The following TTBK2 variants were observed in gnomAD, a reference collection of about 807,000 sequenced individuals.
TTBK2 encodes the protein tau tubulin kinase 2, also known as tau-tubulin kinase 2.
Under a neutral mutation model 110.8 loss-of-function variants are expected in TTBK2, and 28 were observed. The ratio of observed to expected loss-of-function variants is 0.25; its 90% confidence interval spans 0.19 to 0.35. TTBK2 has a LOEUF of 0.35. TTBK2 is among the 10% of genes least tolerant of loss of function. The pLI, the probability that TTBK2 is intolerant of heterozygous loss-of-function variation, is 1.00. For synonymous variants in TTBK2, 532 were observed against 527.3 expected (o/e 1.01, Z -0.12); for missense variants, 1,369 against 1,500.3 (o/e 0.91, Z 1.45).
At chr15:42,893,266 G>A (rs540815740) in intron 1 of TTBK2, among the ~76,000 whole-genome samples, 11 of 152,200 alleles carry the variant, frequency 7.2e-5, no homozygotes, top group Middle Eastern at 3.4e-3. Flanking sequence ...GGAGGCCAAG[G>A]CAGGAGGACT....
chr15:42,793,838 TAA>T (rs1174807124), intron 10 of TTBK2, among the ~76,000 whole-genome samples: 4 of 143,080 alleles, frequency 2.8e-5, no homozygotes, highest in Non-Finnish European at 3.1e-5. Context: ...ACTCCATGTT[TAA>T]AAAAAAAAAA....
At chr15:42,918,166 C>T (rs886275126) in intron 1 of TTBK2, among the ~76,000 whole-genome samples, 1 of 152,058 alleles carries the variant, frequency 6.6e-6, no homozygotes, top group African/African-American at 2.4e-5. Flanking sequence ...GCCTCAACCT[C>T]CGATCCACCC....
chr15:42,753,275 T>C (rs758080551), intron 13 of TTBK2, 28 bp from the exon 14 acceptor site: 27 of 1,597,682 alleles, frequency 1.7e-5, no homozygotes, highest in Non-Finnish European at 2.3e-5. Context: ...AAAATTAAAA[T>C]GCAATTATGT....
At chr15:42,827,800 C>A (rs1892594147) in intron 6 of TTBK2, 128 bp downstream of exon 6, 1 of 764,658 alleles carries the variant, frequency 1.3e-6, no homozygotes, top group Non-Finnish European at 2.1e-6. Context: ...ATAATTTAAT[C>A]ATTAAATGTA....
chr15:42,740,376 G>A lies in TTBK2; in HGVS notation c.*5419C>T, dbSNP rs2061742511. On this transcript the variant is annotated 3_prime_UTR_variant, in exon 15 of 15. Transcript: ENST00000267890. ...TTACTTTTTTGCTATTCAGTGTCTT[G>A]AGATTGTGTGGAAATTCAAGGTGAC... The A allele has an allele frequency of 6.6e-6, 1 of 152,114 alleles. No homozygotes were observed. Among genetic ancestry groups the A allele is most frequent in the African/African-American group, 2.4e-5 (1 of 41,406 alleles). The allele number at this position is 152,114 out of a possible 1,614,324, so 9.4% of individuals were successfully genotyped here. A position where few individuals can be genotyped will look rare whatever the true frequency, so the allele number is the denominator to read the frequency against.
intron 6 of TTBK2, among the ~76,000 whole-genome samples, chr15:42,818,687 T>C (rs1028280804): frequency 2.3e-4 from 35 of 152,018 alleles, no homozygotes; most frequent in Non-Finnish European, 4.4e-5. Context: ...GCCACTGCAC[T>C]CCAGCCGGGG....
intron 4 of TTBK2, among the ~76,000 whole-genome samples, chr15:42,836,522 G>A (rs1892991174): frequency 6.6e-6 from 1 of 151,890 alleles, no homozygotes; most frequent in Admixed American, 6.6e-5. Flanking sequence ...CTTGTGACAG[G>A]AAAAAAATAT....
intron 3 of TTBK2, among the ~76,000 whole-genome samples, chr15:42,859,907 C>A (rs1289369831): frequency 1.3e-5 from 2 of 151,910 alleles, no homozygotes; most frequent in Admixed American, 6.5e-5. Context: ...AAAGAAAACA[C>A]TAAAGATCAA....
At chr15:42,842,193 C>A (rs1893247688) in intron 3 of TTBK2, among the ~76,000 whole-genome samples, 1 of 151,978 alleles carries the variant, frequency 6.6e-6, no homozygotes, top group African/African-American at 2.4e-5. Context: ...ACAATGCCTG[C>A]CCTAGAAAAT....
intron 1 of TTBK2, among the ~76,000 whole-genome samples, chr15:42,909,536 T>C (rs945989470): frequency 6.6e-6 from 1 of 152,188 alleles, no homozygotes; most frequent in Non-Finnish European, 1.5e-5. Flanking sequence ...ATGCAAAGTC[T>C]CTTCTGCCAC....
chr15:42,828,541 C>T (rs1892622099), intron 5 of TTBK2, among the ~76,000 whole-genome samples: 1 of 150,834 alleles, frequency 6.6e-6, no homozygotes, highest in African/African-American at 2.4e-5. Flanking sequence ...TGGTGAAACC[C>T]CGTTTCTACT....
intron 4 of TTBK2, among the ~76,000 whole-genome samples, chr15:42,835,864 A>G (rs1327230267): frequency 1.3e-5 from 2 of 152,196 alleles, no homozygotes; most frequent in African/African-American, 4.8e-5. Context: ...ATATACTGAT[A>G]GTTGTTGAAG....
intron 10 of TTBK2, among the ~76,000 whole-genome samples, chr15:42,785,455 C>T (rs1419036624): frequency 6.6e-6 from 1 of 152,092 alleles, no homozygotes; most frequent in Admixed American, 6.6e-5. Flanking sequence ...CTACTACATG[C>T]AAGGCCCTAG....
Position 42,911,040 on chromosome 15 carries a change from G to T in TTBK2, c.-68+9398C>A, listed in dbSNP as rs1389150510. 3.6e-5 allele frequency among the ~76,000 whole-genome samples: 5 copies of T among 140,268 alleles called. No individual in the cohort carries two copies. In the East Asian group the frequency reaches 8.6e-4, roughly 24 times the overall value. The allele number at this position is 140,268 out of a possible 152,430, so 92.0% of individuals were successfully genotyped here. On this transcript the variant is annotated intron_variant, in intron 1 of 14. Transcript: ENST00000267890. ...GCCTCGGTGACAAGAGTGAAACTCC[G>T]TCTCAAAAAAAAAAAAAAACGGTGA...
chr15:42,772,050 T>C (rs1889701527), intron 13 of TTBK2, among the ~76,000 whole-genome samples: 1 of 152,170 alleles, frequency 6.6e-6, no homozygotes, highest in Non-Finnish European at 1.5e-5. Context: ...TCTAAAATGG[T>C]TCCCAATGAC....
At chr15:42,861,549 AAT>A (rs1379387572) in intron 3 of TTBK2, among the ~76,000 whole-genome samples, 1 of 152,186 alleles carries the variant, frequency 6.6e-6, no homozygotes, top group African/African-American at 2.4e-5. Flanking sequence ...AATTAATAAA[AAT>A]AGAGACACAA....
At chr15:42,842,624 G>A (rs1309342690) in intron 3 of TTBK2, among the ~76,000 whole-genome samples, 4 of 151,830 alleles carry the variant, frequency 2.6e-5, no homozygotes, top group Non-Finnish European at 4.4e-5. Context: ...CAGTGGCTTT[G>A]CCTATAATCC....
At chr15:42,796,473 A>G (rs920299516) in intron 9 of TTBK2, among the ~76,000 whole-genome samples, 24 of 152,288 alleles carry the variant, frequency 1.6e-4, no homozygotes, top group Non-Finnish European at 2.8e-4. Context: ...AAGAATAGAG[A>G]GCAAAAGATC....
intron 13 of TTBK2, among the ~76,000 whole-genome samples, chr15:42,760,404 CA>C (rs1256361537): frequency 2.5e-5 from 3 of 119,484 alleles, no homozygotes; most frequent in Non-Finnish European, 3.6e-5. Flanking sequence ...AAAAAAAAAA[CA>C]AAAAAAGAAT....
Sources: gnomAD v4.1 joint callset for allele counts (sites outside exome capture counted in the v4.1 genomes callset) on GRCh38, gnomAD v4.1.1 for gene constraint, MANE v1.5 for transcripts, NCBI Gene and HGNC (gene_info 2026-07-23, HGNC 2026-07-21) for gene names.